The following IQCM variants were observed in gnomAD, a reference collection of about 807,000 sequenced individuals.
The protein encoded by IQCM is IQ motif containing M.
A neutral mutation model predicts 57.6 loss-of-function variants in IQCM; 45 were observed. The ratio of observed to expected loss-of-function variants is 0.78; its 90% CI spans 0.62 to 1.00. IQCM has a LOEUF of 1.00. Among genes scored for constraint, IQCM ranks in the 50% least tolerant of loss-of-function variants. The probability of loss-of-function intolerance (pLI) is 0.00; values close to 1 mark genes in which losing one functional copy is unlikely to be tolerated. For missense variants in IQCM, 468 were observed against 511.6 expected (o/e 0.91, Z 0.82); for synonymous variants, 148 against 158.9 (o/e 0.93, Z 0.51).
chr4:149,626,431 T>TCC (rs1756818568), intron 7 of IQCM, among the ~76,000 whole-genome samples: 2 of 90,292 alleles, frequency 2.2e-5, no homozygotes, highest in Admixed American at 2.5e-4. Context: ...AGACATACTA[T>TCC]TTTGCTATCT....
At chr4:149,672,168 G>A (rs1377629227) in intron 7 of IQCM, among the ~76,000 whole-genome samples, 2 of 152,168 alleles carry the variant, frequency 1.3e-5, no homozygotes, top group African/African-American at 4.8e-5. Context: ...AAGATGGGGA[G>A]AAACCAGAGC....
intron 12 of IQCM, among the ~76,000 whole-genome samples, chr4:149,458,239 T>C (rs1021617016): frequency 6.6e-6 from 1 of 152,108 alleles, no homozygotes; most frequent in Non-Finnish European, 1.5e-5. Flanking sequence ...AATAATGTGA[T>C]TTTATTAATA....
intron 13 of IQCM, among the ~76,000 whole-genome samples, chr4:149,418,867 C>A (rs553988591): frequency 3.9e-5 from 6 of 152,072 alleles, no homozygotes; most frequent in Admixed American, 3.9e-4. Flanking sequence ...GCAGAGAAAC[C>A]AACCATGGAG....
intron 13 of IQCM, among the ~76,000 whole-genome samples, chr4:149,388,532 TATATA>T (rs1731594438): frequency 1.6e-5 from 2 of 127,810 alleles, no homozygotes; most frequent in Non-Finnish European, 3.3e-5. Context: ...TTATATATAT[TATATA>T]TTATATATAA....
At chr4:149,405,866 C>G (rs1423649692) in intron 13 of IQCM, among the ~76,000 whole-genome samples, 2 of 127,626 alleles carry the variant, frequency 1.6e-5, no homozygotes, top group African/African-American at 5.9e-5. Flanking sequence ...AGATATATCT[C>G]TCTCCATATA....
chr4:149,562,529 T>C (rs760846851), intron 10 of IQCM, among the ~76,000 whole-genome samples: 6 of 152,196 alleles, frequency 3.9e-5, no homozygotes, highest in Admixed American at 3.9e-4. Context: ...GAAATTTAAG[T>C]CTAATTTAAC....
intron 12 of IQCM, among the ~76,000 whole-genome samples, chr4:149,464,469 T>C (rs1738632639): frequency 1.3e-5 from 2 of 152,170 alleles, no homozygotes; most frequent in South Asian, 2.1e-4. Context: ...ACTAAGCCCC[T>C]GGCCCCTAAG....
intron 12 of IQCM, among the ~76,000 whole-genome samples, chr4:149,434,399 G>A (rs1329893224): frequency 6.6e-6 from 1 of 152,034 alleles, no homozygotes; most frequent in Non-Finnish European, 1.5e-5. Flanking sequence ...CTAGTTTTTG[G>A]TTGATAAGCC....
At chr4:149,799,424 A>G (rs1056249180) in intron 2 of IQCM, among the ~76,000 whole-genome samples, 3 of 151,836 alleles carry the variant, frequency 2.0e-5, no homozygotes, top group African/African-American at 7.2e-5. Context: ...GATGCATCTA[A>G]AAGAACTAGA....
intron 12 of IQCM, among the ~76,000 whole-genome samples, chr4:149,502,628 C>CA (rs752202961): frequency 1.3e-5 from 2 of 152,102 alleles, no homozygotes; most frequent in Non-Finnish European, 2.9e-5. Flanking sequence ...GAGCCATGCT[C>CA]ACGCCACTGC....
At chr4:149,654,033 A>G (rs944945837) in intron 7 of IQCM, among the ~76,000 whole-genome samples, 1 of 152,314 alleles carries the variant, frequency 6.6e-6, no homozygotes, top group Admixed American at 6.5e-5. Context: ...GGTGCTTTAC[A>G]TATGTTACAT....
At position 149,733,272 on chromosome 4, in the gene IQCM, T is replaced by C. The variant is rs900795009; in HGVS notation, c.357A>G (p.Arg119=). 9 of 1,231,680 alleles carry C rather than the reference T, an allele frequency of 7.3e-6. No homozygotes were observed. The highest frequency in any genetic ancestry group is 4.2e-5 in the Admixed American group (1 of 23,692). 76.3% of individuals were successfully genotyped at this position (1,231,680 alleles called of 1,614,324 possible). ...TTGTAATTAGATCTATGGGCCTGCA[T>C]CTTTCTCTTCTACTAAAAATGTGTG... ...KEPHIFSRRE[R]CRPIDLITKG... is the part of the protein sequence containing the mutation. Residue 119 remains arginine (R), a synonymous_variant, in exon 5 of 14, where the codon AGA becomes AGG. Coordinates refer to ENST00000636793, the MANE Select transcript of IQCM (RefSeq NM_001363507.2).
At chr4:149,633,110 G>A (rs1757422972) in intron 7 of IQCM, among the ~76,000 whole-genome samples, 2 of 135,792 alleles carry the variant, frequency 1.5e-5, no homozygotes, top group Non-Finnish European at 3.1e-5. Flanking sequence ...GCAGTGAGCC[G>A]AGATTGCGCC....
At chr4:149,740,491 C>G (rs1334200712) in intron 3 of IQCM, among the ~76,000 whole-genome samples, 1 of 152,088 alleles carries the variant, frequency 6.6e-6, no homozygotes, top group Non-Finnish European at 1.5e-5. Context: ...ACCACCAACA[C>G]CCCCTACCGC....
rs1339973851 is a variant in IQCM at position 149,360,721 on chromosome 4, C to T, written c.1391-8655G>A. On this transcript the variant is annotated intron_variant, in intron 13 of 13. Transcript: ENST00000636793. The stretch of plus-strand genomic sequence containing the variant: ...TGTAAGAAGTGCCATTCACCTCATG[C>T]CATGATTCTGAGGCCTGTAAATCCA... Among the ~76,000 whole-genome samples, 7 of 152,282 alleles carry T rather than the reference C, an allele frequency of 4.6e-5. No homozygotes were observed. In the East Asian group the frequency reaches 1.3e-3, roughly 29 times the overall value.
At chr4:149,416,307 A>G (rs1733744281) in intron 13 of IQCM, among the ~76,000 whole-genome samples, 1 of 152,118 alleles carries the variant, frequency 6.6e-6, no homozygotes, top group African/African-American at 2.4e-5. Context: ...TATATTCCTG[A>G]GAAAATATCT....
At chr4:149,503,723 A>AT (rs1014969054) in intron 12 of IQCM, among the ~76,000 whole-genome samples, 1 of 152,038 alleles carries the variant, frequency 6.6e-6, no homozygotes, top group Admixed American at 6.6e-5. Flanking sequence ...TAGACAAAAA[A>AT]TTTTTTTTAA....
intron 4 of IQCM, 98 bp from the exon 5 acceptor site, chr4:149,733,606 C>T (rs1766665025): frequency 3.7e-6 from 2 of 545,162 alleles, no homozygotes; most frequent in Non-Finnish European, 2.8e-6. Flanking sequence ...TGAAATTGCA[C>T]CTCTAGTACA....
intron 9 of IQCM, among the ~76,000 whole-genome samples, chr4:149,569,040 A>G (rs2149953574): frequency 6.6e-6 from 1 of 152,302 alleles, no homozygotes; most frequent in Non-Finnish European, 1.5e-5. Context: ...ACACAGTTTC[A>G]TTCTTTCAGA....
Sources: gnomAD v4.1 joint callset for allele counts (sites outside exome capture counted in the v4.1 genomes callset) on GRCh38, gnomAD v4.1.1 for gene constraint, MANE v1.5 for transcripts, NCBI Gene and HGNC (gene_info 2026-07-23, HGNC 2026-07-21) for gene names.